CIP2A: variants seen among roughly 807,000 people sequenced by gnomAD.
The protein encoded by CIP2A is cellular inhibitor of PP2A.
Under a neutral mutation model 110.9 loss-of-function variants are expected in CIP2A, and 103 were observed. The observed-to-expected ratio is 0.93, with a 90% CI of 0.79 to 1.09. CIP2A has a LOEUF of 1.09. Ranked by LOEUF, CIP2A falls within the 50% of genes least tolerant of loss-of-function variation. The probability of loss-of-function intolerance (pLI) is 0.00; values close to 1 mark genes in which losing one functional copy is unlikely to be tolerated. For synonymous variants in CIP2A, 381 were observed against 361.6 expected (o/e 1.05, Z -0.61); for missense variants, 1,088 against 1,038.4 (o/e 1.05, Z -0.66).
rs1256007349 is a variant in CIP2A at position 108,552,307 on chromosome 3, T to A, written c.2474A>T (p.Lys825Met). The change falls in exon 20 of 21, where the codon AAG becomes ATG. Residue 825 changes from lysine to methionine, a missense_variant. Transcript: ENST00000295746. ...TCTAAGGATATCAATGGTTTCTTCC[T>A]TATCTTCCCTTTCCTTTTGTAAGGT... ...IKTLQKERED[K>M]EETIDILRKE... is the part of the protein sequence containing the mutation. 6.4e-7 allele frequency: 1 copy of A among 1,562,028 alleles called. No homozygotes were observed. Among genetic ancestry groups the A allele is most frequent in the East Asian group, 2.3e-5 (1 of 44,032 alleles).
At chr3:108,553,533 A>G in intron 19 of CIP2A, 115 bp downstream of exon 19, 3 of 915,266 alleles carry the variant, frequency 3.3e-6, no homozygotes, top group South Asian at 3.3e-5. Context: ...GCCATTCCAA[A>G]TATGATTTAA....
At chr3:108,584,676 G>A (rs1938989026) in intron 2 of CIP2A, among the ~76,000 whole-genome samples, 1 of 152,090 alleles carries the variant, frequency 6.6e-6, no homozygotes, top group African/African-American at 2.4e-5. Flanking sequence ...GCTGCTCTGT[G>A]TTAATACTTC....
Position 108,569,503 on chromosome 3 carries a change from G to A in CIP2A, c.999C>T (p.Ser333=), listed in dbSNP as rs769351682. 29 of 1,612,742 alleles carry A rather than the reference G, an allele frequency of 1.8e-5. No homozygotes were observed. Among genetic ancestry groups the A allele is most frequent in the Admixed American group, 8.4e-5 (5 of 59,816 alleles). The change falls in exon 9 of 21, where the codon AGC becomes AGT. Residue 333 remains serine, a synonymous_variant. Coordinates refer to ENST00000295746, the MANE Select transcript of CIP2A (RefSeq NM_020890.3). Reference sequence around the variant, plus strand: ...CAGTAGGTTCTAAACATTTAGTATGGCTTCCCAGAGTGGCGCTGCCAGGTG... The same window carrying A: ...CAGTAGGTTCTAAACATTTAGTATGACTTCCCAGAGTGGCGCTGCCAGGTG... ...QSPPGSATLG[S]HTKCLEPTVA...
At position 108,549,923 on chromosome 3, in the gene CIP2A, T is replaced by C. The variant is rs531725977; in HGVS notation, c.*1226A>G. ...ATCTATCCACTTAAACTTTTTCATA[T>C]TTGGTTGAAAATGCATGCAATTTCA... On this transcript the variant is annotated 3_prime_UTR_variant, in exon 21 of 21. Transcript: ENST00000295746. 6 of 152,162 alleles carry C rather than the reference T, an allele frequency of 3.9e-5. No individual in the cohort carries two copies. Among genetic ancestry groups the C allele is most frequent in the African/African-American group, 1.4e-4 (6 of 41,570 alleles). 9.4% of individuals were successfully genotyped at this position (152,162 alleles called of 1,614,324 possible).
chr3:108,564,242 T>G (rs959553994), intron 12 of CIP2A, among the ~76,000 whole-genome samples: 2 of 151,886 alleles, frequency 1.3e-5, no homozygotes, highest in Non-Finnish European at 2.9e-5. Flanking sequence ...TGAAATAACT[T>G]ACTCAAGCCT....
intron 17 of CIP2A, among the ~76,000 whole-genome samples, chr3:108,556,935 A>T (rs1937824340): frequency 7.1e-6 from 1 of 141,772 alleles, no homozygotes; most frequent in South Asian, 2.1e-4. Context: ...ATCAAAACAG[A>T]CAAACTTGTC....
At chr3:108,587,368 T>C (rs1204604019) in intron 1 of CIP2A, among the ~76,000 whole-genome samples, 1 of 152,126 alleles carries the variant, frequency 6.6e-6, no homozygotes, top group East Asian at 1.9e-4. Flanking sequence ...TAGCGGTACA[T>C]GTGCAACATG....
rs1250138558 is a variant in CIP2A at position 108,575,691 on chromosome 3, T to C, written c.894+580A>G. Among the ~76,000 whole-genome samples, 12 of 56,864 alleles carry C rather than the reference T, an allele frequency of 2.1e-4. 3 individuals carry two copies. Among genetic ancestry groups the C allele is most frequent in the Non-Finnish European group, 3.3e-4 (10 of 29,906 alleles). 37.3% of individuals were successfully genotyped at this position (56,864 alleles called of 152,430 possible). On this transcript the variant is annotated intron_variant, in intron 8 of 20. Coordinates refer to ENST00000295746, the MANE Select transcript of CIP2A (RefSeq NM_020890.3). ...GTATATATACTCATATACATGAGTATATATACGTGTATATATACTCATATA... is the reference window on the plus strand; with the variant it reads ...GTATATATACTCATATACATGAGTACATATACGTGTATATATACTCATATA...
At chr3:108,552,495 T>G in intron 19 of CIP2A, 122 bp from the exon 20 acceptor site, 1 of 524,140 alleles carries the variant, frequency 1.9e-6, no homozygotes, top group South Asian at 3.8e-5. Flanking sequence ...GAAACTTCTC[T>G]TATGACAGTA....
At chr3:108,589,124 C>G in intron 1 of CIP2A, 150 bp downstream of exon 1, 1 of 562,058 alleles carries the variant, frequency 1.8e-6, no homozygotes, top group East Asian at 3.2e-5. Flanking sequence ...AACCCCGACA[C>G]TCACTAGCCT....
chr3:108,582,961 G>A lies in CIP2A; in HGVS notation c.357+16C>T, dbSNP rs765496211. ...GACAGTAAGGAAAGGGGAATACACT[G>A]TGTGGGTCTGTATACCTGCAAAAAC... On this transcript the variant is annotated intron_variant, in intron 3 of 20. Coordinates refer to ENST00000295746, the MANE Select transcript of CIP2A (RefSeq NM_020890.3). 2.6e-6 allele frequency: 4 copies of A among 1,517,050 alleles called. No individual in the cohort carries two copies. The highest frequency in any genetic ancestry group is 3.6e-6 in the Non-Finnish European group (4 of 1,096,786). 94.0% of individuals were successfully genotyped at this position (1,517,050 alleles called of 1,614,324 possible).
At position 108,568,274 on chromosome 3, in the gene CIP2A, A is replaced by G; in HGVS notation, c.1154T>C (p.Phe385Ser). Residue 385 changes from phenylalanine to serine, a missense_variant, in exon 10 of 21, where the codon TTT (phenylalanine) becomes TCT (serine). Phe to Ser is a radical substitution (Grantham distance 155). Transcript: ENST00000295746. ...GATTGTAGGCAGCAGAAGGGTCACA[A>G]AACGATCAGCCGAGGAACAGTTAGC... ...DAANCSSADRFVTLLLPTILD... is the reference protein window; with the variant it reads ...DAANCSSADRSVTLLLPTILD... 1 of 1,612,378 alleles carries G rather than the reference A, an allele frequency of 6.2e-7. No individual in the cohort carries two copies. The highest frequency in any genetic ancestry group is 1.1e-5 in the South Asian group (1 of 91,024).
At chr3:108,588,119 T>C (rs1281711715) in intron 1 of CIP2A, among the ~76,000 whole-genome samples, 1 of 152,182 alleles carries the variant, frequency 6.6e-6, no homozygotes, top group Non-Finnish European at 1.5e-5. Flanking sequence ...CAAAGAAAGG[T>C]AATGCTTCAG....
chr3:108,579,049 T>C (rs576554839), intron 7 of CIP2A, among the ~76,000 whole-genome samples: 2 of 152,252 alleles, frequency 1.3e-5, no homozygotes, highest in Non-Finnish European at 2.9e-5. Context: ...GGCACAACCC[T>C]ATTGATCTAA....
At chr3:108,567,182 T>C (rs1938217478) in intron 10 of CIP2A, among the ~76,000 whole-genome samples, 1 of 151,598 alleles carries the variant, frequency 6.6e-6, no homozygotes, top group Admixed American at 6.6e-5. Flanking sequence ...CCTAATGATT[T>C]CAGGGTTTCA....
intron 7 of CIP2A, among the ~76,000 whole-genome samples, chr3:108,578,262 G>T (rs1938749449): frequency 6.6e-6 from 1 of 152,198 alleles, no homozygotes; most frequent in Non-Finnish European, 1.5e-5. Context: ...TTACTATGAA[G>T]ATGCTGAATA....
At chr3:108,572,135 T>C (rs573176370) in intron 8 of CIP2A, among the ~76,000 whole-genome samples, 211 of 152,170 alleles carry the variant, frequency 1.4e-3, no homozygotes, top group Admixed American at 4.1e-3. Flanking sequence ...TCTATTCCCA[T>C]TCTTTGACTT....
intron 15 of CIP2A, 36 bp downstream of exon 15, chr3:108,559,918 G>C: frequency 6.3e-7 from 1 of 1,576,364 alleles, no homozygotes; most frequent in Non-Finnish European, 8.7e-7. Context: ...ATCTATTAAA[G>C]CTTATTACAC....
Position 108,560,739 on chromosome 3 carries a change from T to C in CIP2A, c.1737A>G (p.Thr579=). Residue 579 remains threonine, a synonymous_variant, in exon 14 of 21, where the codon ACA becomes ACG. Transcript: ENST00000295746. The part of the protein sequence containing the change: ...PWQSSNHSFP[T]SIKCLTPHLK... ...AATGAGGAGTTAAACACTTTATTGA[T>C]GTTGGAAAACTGTGATTTGATGATT... 1 of 1,612,476 alleles carries C rather than the reference T, an allele frequency of 6.2e-7. No homozygotes were observed. The highest frequency in any genetic ancestry group is 8.5e-7 in the Non-Finnish European group (1 of 1,178,696).
Sources: gnomAD v4.1 joint callset for allele counts (sites outside exome capture counted in the v4.1 genomes callset) on GRCh38, gnomAD v4.1.1 for gene constraint, MANE v1.5 for transcripts, NCBI Gene and HGNC (gene_info 2026-07-23, HGNC 2026-07-21) for gene names.